DHRS7: variants seen among roughly 807,000 people sequenced by gnomAD.
DHRS7 encodes the protein dehydrogenase/reductase 7.
Under a neutral mutation model 38.9 loss-of-function variants are expected in DHRS7, and 34 were observed. The ratio of observed to expected loss-of-function variants is 0.87; its 90% CI spans 0.66 to 1.16. The LOEUF (loss-of-function observed/expected upper bound fraction) is 1.16. Among genes scored for constraint, DHRS7 ranks in the 50% most tolerant of loss-of-function variants. DHRS7 has a pLI of 0.00. For missense variants in DHRS7, 421 were observed against 407.0 expected, an observed-to-expected ratio of 1.03 and a Z score of -0.30; for synonymous variants, 158 against 153.1, an observed-to-expected ratio of 1.03 and a Z score of -0.24.
upstream of DHRS7, chr14:60,165,665 C>T (rs1215078873): frequency 9.4e-7 from 1 of 1,062,410 alleles, no homozygotes; most frequent in Non-Finnish European, 1.1e-6. This position sits in a 1 kb window ranked among gnomAD's most constrained non-coding sequence, Gnocchi z 4.6. Flanking sequence ...CAAACATAAG[C>T]TACATATTAT....
rs918773759 is a variant in DHRS7 at position 60,165,323 on chromosome 14, G to A, written c.-14C>T. The A allele has an allele frequency of 6.4e-7, 1 of 1,568,032 alleles. No homozygotes were observed. Among genetic ancestry groups the A allele is most frequent in the East Asian group, 2.3e-5 (1 of 42,920 alleles). ...CTCCCAGTTCATTGCGGCCGCGCAC[G>A]CCCAGCTCGGGGGGAAGAAGACGGC... On this transcript the variant is annotated 5_prime_UTR_variant, in exon 1 of 7. Transcript: ENST00000557185. The surrounding 1 kb of genome is among the most constrained non-coding windows in gnomAD (Gnocchi z 4.6).
upstream of DHRS7, chr14:60,168,711 T>C: frequency 1.3e-6 from 2 of 1,566,788 alleles, no homozygotes; most frequent in Admixed American, 1.9e-5. Flanking sequence ...GCCTTGGAGA[T>C]AAGCAGAGTG....
In DHRS7 at chr14:60,165,277, C is replaced by T; in HGVS notation, c.33G>A (p.Val11=). The change falls in exon 1 of 7, where the codon GTG becomes GTA. Residue 11 remains valine, a synonymous_variant. Transcript: ENST00000557185. The surrounding 1 kb of genome is among the most constrained non-coding windows in gnomAD (Gnocchi z 4.6). MNWELLLWLL[V]LCALLLLLVQ... Reference sequence around the variant, plus strand: ...CCAAGAGCAGGAGCAGCGCGCACAGCACCAGCAGCCACAGCAGCAGCTCCC... The same window carrying T: ...CCAAGAGCAGGAGCAGCGCGCACAGTACCAGCAGCCACAGCAGCAGCTCCC... 6.3e-7 allele frequency: 1 copy of T among 1,598,656 alleles called. No individual in the cohort carries two copies.
chr14:60,168,683 C>T, upstream of DHRS7: 6 of 1,546,628 alleles, frequency 3.9e-6, no homozygotes, highest in Non-Finnish European at 5.2e-6. Flanking sequence ...TTTTTTCTCC[C>T]CTCTCCAGCC....
rs56277430 is a variant in DHRS7, at chr14:60,150,196, CAAAA to C, written c.634-13_634-10del. ...AGGCCATTAAAAAAACCCTAACAGA[CAAAA>C]AAAAAAAAAAAGGAAAAAGGCAAAT... On this transcript the variant is annotated splice_polypyrimidine_tract_variant and intron_variant, in intron 4 of 6. Transcript: ENST00000557185. 730 of 1,186,190 alleles carry C rather than the reference CAAAA, an allele frequency of 6.2e-4. No individual in the cohort carries two copies. The highest frequency in any genetic ancestry group is 2.0e-3 in the South Asian group (77 of 38,692). The allele number at this position is 1,186,190 out of a possible 1,614,324, so 73.5% of individuals were successfully genotyped here.
chr14:60,144,150 GAAT>G lies in DHRS7; in HGVS notation c.*813_*815del, dbSNP rs1000163854. On this transcript the variant is annotated 3_prime_UTR_variant, in exon 7 of 7. Coordinates refer to ENST00000557185, the MANE Select transcript of DHRS7 (RefSeq NM_016029.4). Reference sequence around the variant, plus strand: ...AGAAGACATACAACAGGTGTTTAATGAATAATAGGTGCAATGAATCCTACCTGC... The same window carrying G: ...AGAAGACATACAACAGGTGTTTAATGAATAGGTGCAATGAATCCTACCTGC... 3 of 152,208 alleles carry G rather than the reference GAAT, an allele frequency of 2.0e-5. No individual in the cohort carries two copies. Among genetic ancestry groups the G allele is most frequent in the South Asian group, 2.1e-4 (1 of 4,834 alleles). The allele number at this position is 152,208 out of a possible 1,614,324, so 9.4% of individuals were successfully genotyped here.
chr14:60,152,368 A>G (rs756353834), intron 4 of DHRS7, among the ~76,000 whole-genome samples: 2 of 152,176 alleles, frequency 1.3e-5, no homozygotes, highest in African/African-American at 4.8e-5. Flanking sequence ...TCTTCTTCCA[A>G]TGAAACCAGA....
At chr14:60,168,989 C>A, upstream of DHRS7, 1 of 365,984 alleles carries the variant, frequency 2.7e-6, no homozygotes. Context: ...TACATTGCAC[C>A]GAGGCTGAAG....
chr14:60,156,219 G>GAA (rs370446768), intron 1 of DHRS7, 67 bp from the exon 2 acceptor site: 53 of 1,109,856 alleles, frequency 4.8e-5, no homozygotes, highest in South Asian at 8.7e-5. Flanking sequence ...TCCAAGATTA[G>GAA]AAAAAAAAAA....
At chr14:60,150,808 C>T (rs1030776333) in intron 4 of DHRS7, among the ~76,000 whole-genome samples, 1 of 152,182 alleles carries the variant, frequency 6.6e-6, no homozygotes, top group African/African-American at 2.4e-5. Flanking sequence ...CTAGAACAGA[C>T]ATTCTCAGCT....
At chr14:60,160,982 T>C (rs990339783) in intron 1 of DHRS7, among the ~76,000 whole-genome samples, 2 of 152,226 alleles carry the variant, frequency 1.3e-5, no homozygotes, top group Non-Finnish European at 2.9e-5. Flanking sequence ...GATTAACTTT[T>C]GCAAAATTCC....
At chr14:60,164,161 A>G (rs1896819002) in intron 1 of DHRS7, among the ~76,000 whole-genome samples, 2 of 151,484 alleles carry the variant, frequency 1.3e-5, no homozygotes. Flanking sequence ...GAGGGGCACA[A>G]ACCACTGTAT....
intron 2 of DHRS7, 165 bp downstream of exon 2, chr14:60,155,835 G>T (rs1428589161): frequency 3.5e-6 from 2 of 569,172 alleles, no homozygotes; most frequent in Non-Finnish European, 5.3e-6. Flanking sequence ...GAAGAAAAAG[G>T]CGAGGGCAGC....
intron 1 of DHRS7, among the ~76,000 whole-genome samples, chr14:60,163,860 C>T (rs575191858): frequency 1.3e-5 from 2 of 152,292 alleles, no homozygotes; most frequent in East Asian, 1.9e-4. Flanking sequence ...ACACAAACAA[C>T]GTCTGCAAGG....
rs1896603879 is a variant in DHRS7 at position 60,153,963 on chromosome 14, C to T, written c.389G>A (p.Gly130Asp). ...TCAATATAAGATGCTACTTACTCTACCAAACTCCTGGAGAACAGCTTTGGT... is the reference window on the plus strand; with the variant it reads ...TCAATATAAGATGCTACTTACTCTATCAAACTCCTGGAGAACAGCTTTGGT... ...AATKAVLQEF[G>D]RIDILVNNGG... Residue 130 changes from glycine to aspartate, a missense_variant, in exon 3 of 7, where the codon GGT (glycine) becomes GAT (aspartate). Physicochemically the swap from Gly to Asp is moderately conservative, Grantham distance 94. Transcript: ENST00000557185. This position sits in a 1 kb window ranked among gnomAD's most constrained non-coding sequence, Gnocchi z 4.4. 1 of 1,613,792 alleles carries T rather than the reference C, an allele frequency of 6.2e-7. No individual in the cohort carries two copies. The highest frequency in any genetic ancestry group is 1.1e-5 in the South Asian group (1 of 91,072).
At chr14:60,166,127 G>A (rs1233130967), upstream of DHRS7, 6 of 738,312 alleles carry the variant, frequency 8.1e-6, no homozygotes, top group Non-Finnish European at 9.9e-6. Context: ...ACACAAAAGA[G>A]TAAAATACTG....
intron 1 of DHRS7, among the ~76,000 whole-genome samples, chr14:60,157,803 T>C (rs1896687840): frequency 6.6e-6 from 1 of 152,206 alleles, no homozygotes. Flanking sequence ...AGCCCAGGTA[T>C]ATCTAGCTCC....
At position 60,145,042 on chromosome 14, in the gene DHRS7, A is replaced by C; in HGVS notation, c.973-29T>G. ...TAAAAGAGGGACAGAAACATGGATC[A>C]GTACCTACTCCTATTTACTCCAGTT... is the stretch of plus-strand genomic sequence containing the variant. On this transcript the variant is annotated intron_variant, in intron 6 of 6. Transcript: ENST00000557185. This position sits in a 1 kb window ranked among gnomAD's most constrained non-coding sequence, Gnocchi z 4.0. 6.5e-7 allele frequency: 1 copy of C among 1,526,832 alleles called. No individual in the cohort carries two copies. The highest frequency in any genetic ancestry group is 2.3e-5 in the East Asian group (1 of 43,238). 94.6% of individuals were successfully genotyped at this position (1,526,832 alleles called of 1,614,324 possible). A position where few individuals can be genotyped will look rare whatever the true frequency, so the allele number is the denominator to read the frequency against.
intron 2 of DHRS7, 184 bp downstream of exon 2, chr14:60,155,815 TG>T: frequency 2.3e-6 from 1 of 442,376 alleles, no homozygotes; most frequent in Non-Finnish European, 3.7e-6. Flanking sequence ...CATAGAAAGG[TG>T]GCAGAAAAGA....
Sources: allele counts gnomAD v4.1 joint callset (sites outside exome capture counted in the v4.1 genomes callset), GRCh38; gene constraint gnomAD v4.1.1; non-coding constraint Gnocchi (gnomAD v3.1); transcripts MANE v1.5; gene names NCBI Gene and HGNC (gene_info 2026-07-23, HGNC 2026-07-21).